Variants in PTPRD observed in about 807,000 individuals in gnomAD.
PTPRD encodes the protein receptor-type tyrosine-protein phosphatase delta.
Under a neutral mutation model 214.5 loss-of-function variants are expected in PTPRD, and 34 were observed. The ratio of observed to expected loss-of-function variants is 0.16; its 90% CI spans 0.12 to 0.21. The LOEUF (loss-of-function observed/expected upper bound fraction) is 0.21, where lower values mean the gene tolerates loss of function less well. Ranked by LOEUF, PTPRD falls within the 10% of genes least tolerant of loss-of-function variation. The probability of loss-of-function intolerance (pLI) is 1.00; values close to 1 mark genes in which losing one functional copy is unlikely to be tolerated. For missense variants in PTPRD, 2,545 were observed against 2,398.7 expected, an observed-to-expected ratio of 1.06 and a Z score of -1.27; for synonymous variants, 1,128 against 845.7, an observed-to-expected ratio of 1.33 and a Z score of -5.79.
intron 5 of PTPRD, among the ~76,000 whole-genome samples, chr9:9,779,915 C>G (rs1331528207): frequency 6.6e-6 from 1 of 152,084 alleles, no homozygotes; most frequent in Non-Finnish European, 1.5e-5. Flanking sequence ...GGTATATACC[C>G]CAAAGAAAAT....
rs188566043 is a variant in PTPRD, at chr9:10,462,529, G to A, written c.-599-121512C>T. Among the ~76,000 whole-genome samples the A allele has an allele frequency of 2.0e-3, 300 of 152,186 alleles. 2 individuals carry two copies. The highest frequency in any genetic ancestry group is 6.7e-3 in the African/African-American group (279 of 41,522). On this transcript the variant is annotated intron_variant, in intron 2 of 45. Transcript: ENST00000381196. ...TGCTCTTTAGAGCATTCCACACTGT[G>A]GGGCACATAATGTAAGATATAACCA...
At chr9:10,340,605 C>A (rs1281149650) in intron 3 of PTPRD, among the ~76,000 whole-genome samples, 2 of 151,840 alleles carry the variant, frequency 1.3e-5, no homozygotes, top group Non-Finnish European at 2.9e-5. Context: ...CATCCTAGAG[C>A]CTTAATTTCT....
chr9:8,791,094 T>C (rs944678973), intron 11 of PTPRD, among the ~76,000 whole-genome samples: 2 of 152,058 alleles, frequency 1.3e-5, no homozygotes, highest in Admixed American at 1.3e-4. Context: ...ATGGAGAGAG[T>C]GAACTAAAGG....
intron 9 of PTPRD, among the ~76,000 whole-genome samples, chr9:9,260,402 C>T (rs1323249434): frequency 6.6e-6 from 1 of 151,876 alleles, no homozygotes; most frequent in African/African-American, 2.4e-5. Context: ...ATTTCTACCT[C>T]TGGGAAACAA....
intron 3 of PTPRD, among the ~76,000 whole-genome samples, chr9:10,320,445 T>G (rs771137813): frequency 3.9e-5 from 6 of 152,078 alleles, no homozygotes; most frequent in Admixed American, 1.3e-4. Context: ...AGCATCATTA[T>G]TTTTTAGTCA....
intron 10 of PTPRD, among the ~76,000 whole-genome samples, chr9:9,022,778 T>C (rs1050219850): frequency 6.6e-6 from 1 of 152,220 alleles, no homozygotes; most frequent in African/African-American, 2.4e-5. Flanking sequence ...AGCTGTAATA[T>C]GATTTGCTGA....
chr9:9,761,355 G>A (rs899068449), intron 6 of PTPRD, among the ~76,000 whole-genome samples: 1 of 152,178 alleles, frequency 6.6e-6, no homozygotes, highest in East Asian at 1.9e-4. Context: ...AGACAGAGTA[G>A]TGTTGCCAGG....
chr9:10,507,529 C>T (rs1434957170), intron 2 of PTPRD, among the ~76,000 whole-genome samples: 7 of 152,086 alleles, frequency 4.6e-5, no homozygotes, highest in Non-Finnish European at 5.9e-5. Flanking sequence ...GGAGGAATCA[C>T]GCTACCTGAC....
At chr9:8,475,107 C>G (rs545790899) in intron 30 of PTPRD, among the ~76,000 whole-genome samples, 5 of 152,230 alleles carry the variant, frequency 3.3e-5, no homozygotes, top group Non-Finnish European at 5.9e-5. Context: ...CTGTGTGTTC[C>G]TGCTGCTCCC....
At chr9:10,124,940 C>T (rs146809168) in intron 3 of PTPRD, among the ~76,000 whole-genome samples, 7 of 152,232 alleles carry the variant, frequency 4.6e-5, no homozygotes, top group Admixed American at 2.0e-4. Flanking sequence ...TCCAGAAGAC[C>T]ATCTTCAGAA....
intron 12 of PTPRD, among the ~76,000 whole-genome samples, chr9:8,716,812 A>C (rs968325376): frequency 6.6e-6 from 1 of 152,172 alleles, no homozygotes; most frequent in Non-Finnish European, 1.5e-5. Flanking sequence ...TCTCCTGGTC[A>C]CTGGCTGTAT....
At chr9:8,699,435 T>TC (rs1555167464) in intron 12 of PTPRD, among the ~76,000 whole-genome samples, 1 of 152,192 alleles carries the variant, frequency 6.6e-6, no homozygotes, top group Non-Finnish European at 1.5e-5. Context: ...AGGACATTTT[T>TC]CCCCCATATC....
At chr9:8,339,909 C>A (rs574523647) in intron 42 of PTPRD, among the ~76,000 whole-genome samples, 2 of 151,868 alleles carry the variant, frequency 1.3e-5, no homozygotes, top group African/African-American at 4.8e-5. Flanking sequence ...AACTATGTTG[C>A]TTTCCAACAC....
intron 10 of PTPRD, among the ~76,000 whole-genome samples, chr9:9,177,527 T>C (rs909800472): frequency 6.6e-6 from 1 of 152,160 alleles, no homozygotes; most frequent in African/African-American, 2.4e-5. Context: ...AGAGCATAAC[T>C]ATCTTAAAAT....
At chr9:9,840,363 C>T (rs1234523241) in intron 5 of PTPRD, among the ~76,000 whole-genome samples, 1 of 152,016 alleles carries the variant, frequency 6.6e-6, no homozygotes, top group African/African-American at 2.4e-5. Flanking sequence ...CAAATTTAAT[C>T]AGATTTGAAA....
At chr9:8,768,827 C>T (rs899307997) in intron 11 of PTPRD, among the ~76,000 whole-genome samples, 1 of 152,146 alleles carries the variant, frequency 6.6e-6, no homozygotes, top group African/African-American at 2.4e-5. Flanking sequence ...AGTAACCTAG[C>T]TCTTCTTTTA....
rs543368796 is a variant in PTPRD at position 8,315,378 on chromosome 9, G to T, written c.*2496C>A. The T allele has an allele frequency of 1.8e-4, 41 of 232,526 alleles. No individual in the cohort carries two copies. In the South Asian group the frequency reaches 7.1e-3, roughly 40 times the overall value. The allele number at this position is 232,526 out of a possible 1,614,324, so 14.4% of individuals were successfully genotyped here. A position where few individuals can be genotyped will look rare whatever the true frequency, so the allele number is the denominator to read the frequency against. On this transcript the variant is annotated 3_prime_UTR_variant, in exon 46 of 46. Transcript: ENST00000381196. ...AGCTGCTCATTGGCCAATCATTCTG[G>T]TGTGCAGTGCTCCATCGGATTCTAC... is the stretch of plus-strand genomic sequence containing the variant.
rs116152428 is a variant in PTPRD, at chr9:8,665,602, G to C, written c.65-28758C>G. ...TTCTACCCATCTAATCCAGAGTTGTGATGTTACTTTTCATAATACCTGTAT... is the reference window on the plus strand; with the variant it reads ...TTCTACCCATCTAATCCAGAGTTGTCATGTTACTTTTCATAATACCTGTAT... On this transcript the variant is annotated intron_variant, in intron 12 of 45. Transcript: ENST00000381196. 3.6e-3 allele frequency among the ~76,000 whole-genome samples: 536 copies of C among 150,746 alleles called. 4 individuals are homozygous for C. Among genetic ancestry groups the C allele is most frequent in the African/African-American group, 0.013 (512 of 40,174 alleles).
At chr9:9,411,255 A>G (rs1209375445) in intron 8 of PTPRD, among the ~76,000 whole-genome samples, 2 of 60,648 alleles carry the variant, frequency 3.3e-5, no homozygotes, top group East Asian at 7.6e-4. Flanking sequence ...GATACATAGC[A>G]TTGTGTCTTT....
Sources: gnomAD v4.1 joint callset for allele counts (sites outside exome capture counted in the v4.1 genomes callset) on GRCh38, gnomAD v4.1.1 for gene constraint, MANE v1.5 for transcripts, NCBI Gene and HGNC (gene_info 2026-07-23, HGNC 2026-07-21) for gene names.